Variants in SLF1 observed in about 807,000 individuals in gnomAD.
SLF1 encodes the protein SMC5/6 complex localization factor 1.
A neutral mutation model predicts 123.0 loss-of-function variants in SLF1; 105 were observed. The observed-to-expected ratio is 0.85, with a 90% CI of 0.73 to 1.00. The LOEUF is 1.00. Ranked by LOEUF, SLF1 falls within the 50% of genes least tolerant of loss-of-function variation. SLF1 has a pLI of 0.00. For missense variants in SLF1, 1,239 were observed against 1,223.0 expected, an observed-to-expected ratio of 1.01 and a Z score of -0.20; for synonymous variants, 434 against 406.6, an observed-to-expected ratio of 1.07 and a Z score of -0.81.
At position 94,694,964 on chromosome 5, in the gene SLF1, A is replaced by C. The variant is rs1753424834; in HGVS notation, c.2829A>C (p.Ala943=). ...CAGTGGAGAACTTTCATGCACAAGCAGAGAAACATTTTCATTACCAGCAAC... is the reference window on the plus strand; with the variant it reads ...CAGTGGAGAACTTTCATGCACAAGCCGAGAAACATTTTCATTACCAGCAAC... The part of the protein sequence containing the change: ...EDTVENFHAQ[A]EKHFHYQQLE... Residue 943 remains alanine, a synonymous_variant, in exon 21 of 21, where the codon GCA becomes GCC. Coordinates refer to ENST00000265140, the MANE Select transcript of SLF1 (RefSeq NM_032290.4). 1 of 1,612,654 alleles carries C rather than the reference A, an allele frequency of 6.2e-7. No homozygotes were observed. Among genetic ancestry groups the C allele is most frequent in the Non-Finnish European group, 8.5e-7 (1 of 1,179,192 alleles).
chr5:94,635,564 T>C (rs1353061037), intron 4 of SLF1, among the ~76,000 whole-genome samples: 4 of 151,994 alleles, frequency 2.6e-5, no homozygotes, highest in Non-Finnish European at 5.9e-5. Context: ...GTGGTTTGCA[T>C]TGATTCCCTT....
intron 9 of SLF1, among the ~76,000 whole-genome samples, chr5:94,660,906 C>T (rs1385739498): frequency 1.3e-5 from 2 of 152,182 alleles, no homozygotes; most frequent in African/African-American, 2.4e-5. Context: ...CCACCTCCTA[C>T]TCCTTAGGAT....
chr5:94,669,923 G>C (rs1750246973), intron 12 of SLF1, among the ~76,000 whole-genome samples: 1 of 151,812 alleles, frequency 6.6e-6, no homozygotes, highest in Non-Finnish European at 1.5e-5. Context: ...ATAATAACTT[G>C]AAAAATTGAG....
chr5:94,645,441 G>A (rs1031125989), intron 5 of SLF1, among the ~76,000 whole-genome samples: 3 of 152,012 alleles, frequency 2.0e-5, no homozygotes, highest in South Asian at 2.1e-4. Flanking sequence ...AGTTAGTTTG[G>A]GTTGGTTTTC....
intron 16 of SLF1, among the ~76,000 whole-genome samples, chr5:94,688,200 G>A (rs1752673381): frequency 6.6e-6 from 1 of 152,020 alleles, no homozygotes; most frequent in South Asian, 2.1e-4. Context: ...CATATAAAAT[G>A]TGCAAATGAA....
At chr5:94,651,099 A>G (rs1747667443) in intron 6 of SLF1, among the ~76,000 whole-genome samples, 1 of 152,182 alleles carries the variant, frequency 6.6e-6, no homozygotes, top group Non-Finnish European at 1.5e-5. Flanking sequence ...CTATGTTTAG[A>G]TACACTAATA....
intron 2 of SLF1, 72 bp from the exon 3 acceptor site, chr5:94,629,020 G>A (rs1237782445): frequency 4.3e-6 from 6 of 1,403,686 alleles, no homozygotes; most frequent in Non-Finnish European, 5.8e-6. Context: ...TGATATTGTA[G>A]CAATAAAAAG....
intron 15 of SLF1, among the ~76,000 whole-genome samples, chr5:94,682,997 G>A (rs1402712281): frequency 3.9e-5 from 6 of 152,122 alleles, no homozygotes; most frequent in Admixed American, 3.3e-4. Flanking sequence ...AACTTTATTC[G>A]TAAAAACAGG....
intron 10 of SLF1, among the ~76,000 whole-genome samples, chr5:94,663,412 G>A (rs762612968): frequency 9.9e-5 from 15 of 152,240 alleles, no homozygotes; most frequent in Non-Finnish European, 1.9e-4. Flanking sequence ...GGGAGGCCAA[G>A]GCAAGTGGAT....
chr5:94,684,697 CAAAAAAAAAAAAAAA>C (rs397882900), intron 15 of SLF1, among the ~76,000 whole-genome samples: 3 of 68,840 alleles, frequency 4.4e-5, no homozygotes, highest in South Asian at 5.9e-4. Flanking sequence ...GACTCTGTCT[CAAAAAAAAAAAAAAA>C]AAAAAAAAAA....
chr5:94,661,035 C>T (rs1206420046), intron 9 of SLF1, among the ~76,000 whole-genome samples: 3 of 152,152 alleles, frequency 2.0e-5, no homozygotes. Flanking sequence ...CGGGCTTAGG[C>T]ACTGTTGGGC....
chr5:94,639,037 C>CTTTTTTTTTTTTTTTTTTTTTTT lies in SLF1; in HGVS notation c.432-4215_432-4214insTTTTTTTTTTTTTTTTTTTTTTT, dbSNP rs764031689. Among the ~76,000 whole-genome samples the CTTTTTTTTTTTTTTTTTTTTTTT allele has an allele frequency of 3.4e-5, 3 of 88,970 alleles. 1 individual carries two copies. Among genetic ancestry groups the CTTTTTTTTTTTTTTTTTTTTTTT allele is most frequent in the Non-Finnish European group, 2.1e-5 (1 of 48,178 alleles). 58.4% of individuals were successfully genotyped at this position (88,970 alleles called of 152,430 possible). A position where few individuals can be genotyped will look rare whatever the true frequency, so the allele number is the denominator to read the frequency against. On this transcript the variant is annotated intron_variant, in intron 4 of 20. Transcript: ENST00000265140. ...TTTCTCATCTCTTTTCTTTTCTTCCCTTTTTTTTTTTTTTTTTTTTTGAGA... is the reference window on the plus strand; with the variant it reads ...TTTCTCATCTCTTTTCTTTTCTTCCCTTTTTTTTTTTTTTTTTTTTTTTTTTTTTTTTTTTTTTTTTTTTGAGA...
chr5:94,685,505 T>C lies in SLF1; in HGVS notation c.1976-1068T>C, dbSNP rs929184031. On this transcript the variant is annotated intron_variant, in intron 15 of 20. Transcript: ENST00000265140. ...TTATCATTTTGTTGCATTTTCATTATGTTACATAGAGAATATTAATAGTTT... is the reference window on the plus strand; with the variant it reads ...TTATCATTTTGTTGCATTTTCATTACGTTACATAGAGAATATTAATAGTTT... Among the ~76,000 whole-genome samples the C allele has an allele frequency of 4.6e-5, 7 of 152,128 alleles. No individual in the cohort carries two copies. The South Asian group carries it at 8.3e-4, about 18-fold the overall frequency.
chr5:94,659,484 C>G (rs1386991703), intron 9 of SLF1, among the ~76,000 whole-genome samples: 2 of 152,074 alleles, frequency 1.3e-5, no homozygotes, highest in Admixed American at 1.3e-4. Context: ...AATTGGTTTT[C>G]ATAGGTTTTT....
At chr5:94,668,706 C>G (rs1199113148) in intron 12 of SLF1, among the ~76,000 whole-genome samples, 1 of 152,146 alleles carries the variant, frequency 6.6e-6, no homozygotes, top group African/African-American at 2.4e-5. Context: ...TCTCAAATTC[C>G]TGGGCTCAAG....
intron 12 of SLF1, among the ~76,000 whole-genome samples, chr5:94,667,206 T>G (rs183616878): frequency 1.3e-3 from 192 of 152,258 alleles, no homozygotes; most frequent in Non-Finnish European, 2.2e-3. Flanking sequence ...TTTTAGGGAT[T>G]AAAAAGATGA....
intron 12 of SLF1, 101 bp from the exon 13 acceptor site, chr5:94,670,050 T>A: frequency 8.5e-7 from 1 of 1,171,868 alleles, no homozygotes. Flanking sequence ...AAGAAAATTT[T>A]ATTAAAATTC....
chr5:94,680,210 G>T (rs1370448390), intron 15 of SLF1, among the ~76,000 whole-genome samples: 1 of 152,148 alleles, frequency 6.6e-6, no homozygotes, highest in African/African-American at 2.4e-5. Flanking sequence ...CTGGGTTCAG[G>T]ATTTATTCGA....
At chr5:94,692,723 A>G (rs1753173925) in intron 20 of SLF1, among the ~76,000 whole-genome samples, 1 of 152,178 alleles carries the variant, frequency 6.6e-6, no homozygotes, top group Non-Finnish European at 1.5e-5. Flanking sequence ...ATGATATCCT[A>G]GAATATTTTT....
Sources: gnomAD v4.1 joint callset for allele counts (sites outside exome capture counted in the v4.1 genomes callset) on GRCh38, gnomAD v4.1.1 for gene constraint, MANE v1.5 for transcripts, NCBI Gene and HGNC (gene_info 2026-07-23, HGNC 2026-07-21) for gene names.